CCDC33: variants seen among roughly 807,000 people sequenced by gnomAD.
CCDC33 encodes the protein coiled-coil domain containing 33, also known as coiled-coil domain-containing protein 33.
A neutral mutation model predicts 91.9 loss-of-function variants in CCDC33; 94 were observed. The ratio of observed to expected loss-of-function variants is 1.02; its 90% confidence interval spans 0.87 to 1.21. CCDC33 has a LOEUF of 1.21. CCDC33 is among the 50% of genes most tolerant of loss of function. The pLI is 0.00. For synonymous variants in CCDC33, 396 were observed against 374.5 expected, an observed-to-expected ratio of 1.06 and a Z score of -0.66; for missense variants, 940 against 935.5, an observed-to-expected ratio of 1.00 and a Z score of -0.06.
chr15:74,268,190 G>T, intron 4 of CCDC33, 152 bp from the exon 5 acceptor site: 2 of 629,746 alleles, frequency 3.2e-6, no homozygotes, highest in Middle Eastern at 2.6e-4. Context: ...CTCCTTGGAA[G>T]GGCTCACAGG....
chr15:74,252,920 G>C (rs1295351366), intron 2 of CCDC33, among the ~76,000 whole-genome samples: 1 of 152,134 alleles, frequency 6.6e-6, no homozygotes, highest in East Asian at 1.9e-4. Flanking sequence ...AACACAGCTG[G>C]TGTCAGTGGT....
At chr15:74,203,153 C>T (rs2074162885) in intron 1 of CCDC33, 1 of 985,544 alleles carries the variant, frequency 1.0e-6, no homozygotes, top group Non-Finnish European at 1.2e-6. Context: ...GGGAATCTGT[C>T]CGTTTCTTCT....
chr15:74,325,865 A>C (rs2060299977), intron 11 of CCDC33, among the ~76,000 whole-genome samples: 1 of 152,002 alleles, frequency 6.6e-6, no homozygotes, highest in Non-Finnish European at 1.5e-5. Flanking sequence ...TACCCCCAAC[A>C]CACCCTCCCT....
chr15:74,322,603 G>A lies in CCDC33; in HGVS notation c.1291-7586G>A, dbSNP rs372339038. On this transcript the variant is annotated intron_variant, in intron 11 of 18. Transcript: ENST00000398814. Reference sequence around the variant, plus strand: ...TGGGGGTTCCAGGGCTAGAGGTCTTGGAAGGCTGGCTGGACCACCTGGAGG... The same window carrying A: ...TGGGGGTTCCAGGGCTAGAGGTCTTAGAAGGCTGGCTGGACCACCTGGAGG... 6.6e-5 allele frequency among the ~76,000 whole-genome samples: 10 copies of A among 152,320 alleles called. No homozygotes were observed. The East Asian group carries it at 1.5e-3, about 23-fold the overall frequency.
chr15:74,223,314 T>G (rs2074668424), intron 2 of CCDC33, among the ~76,000 whole-genome samples: 1 of 152,048 alleles, frequency 6.6e-6, no homozygotes, highest in Non-Finnish European at 1.5e-5. Context: ...AACAAAGTGG[T>G]GGGAGGTGGG....
chr15:74,280,690 C>A lies in CCDC33; in HGVS notation c.912C>A (p.Thr304=), dbSNP rs1436896605. The part of the protein sequence containing the change: ...STSMKGSQPW[T]LNQPLGISVL... ...CAGTGAAAGGCAGCCAGCCGTGGAC[C>A]CTCAACCAGCCCCTGGGCATCTCTG... The change falls in exon 9 of 19, where the codon ACC becomes ACA. Residue 304 remains threonine, a synonymous_variant. Transcript: ENST00000398814. 2.0e-6 allele frequency: 3 copies of A among 1,523,914 alleles called. No individual in the cohort carries two copies. The highest frequency in any genetic ancestry group is 2.5e-5 in the East Asian group (1 of 39,618). 94.4% of individuals were successfully genotyped at this position (1,523,914 alleles called of 1,614,324 possible).
chr15:74,306,567 G>T (rs2059897752), intron 11 of CCDC33, among the ~76,000 whole-genome samples: 1 of 152,144 alleles, frequency 6.6e-6, no homozygotes, highest in Non-Finnish European at 1.5e-5. Context: ...TCCAGGCCTG[G>T]CCTGGGGTCT....
intron 2 of CCDC33, among the ~76,000 whole-genome samples, chr15:74,222,943 C>A: frequency 6.6e-6 from 1 of 151,984 alleles, no homozygotes; most frequent in Non-Finnish European, 1.5e-5. Flanking sequence ...CTTTTAAATT[C>A]ATTATGCCTT....
chr15:74,262,326 C>A, intron 2 of CCDC33, 114 bp from the exon 3 acceptor site: 1 of 1,357,502 alleles, frequency 7.4e-7, no homozygotes, highest in Non-Finnish European at 1.0e-6. Flanking sequence ...TGGGACAGAG[C>A]TCTCCATATT....
chr15:74,301,995 T>C (rs2059804805), intron 11 of CCDC33: 1 of 152,092 alleles, frequency 6.6e-6, no homozygotes, highest in Non-Finnish European at 1.5e-5. Context: ...AGATGAATAA[T>C]TGACAAGGGT....
At chr15:74,296,327 A>C (rs2059685743) in intron 11 of CCDC33, among the ~76,000 whole-genome samples, 1 of 152,156 alleles carries the variant, frequency 6.6e-6, no homozygotes, top group South Asian at 2.1e-4. Flanking sequence ...ACTGGGGCTC[A>C]AAAAAAGAGG....
chr15:74,223,765 C>CAT (rs1555460809), intron 2 of CCDC33, among the ~76,000 whole-genome samples: 2 of 87,154 alleles, frequency 2.3e-5, no homozygotes, highest in African/African-American at 9.0e-5. Flanking sequence ...CACACACACA[C>CAT]GCAAGCATGC....
intron 2 of CCDC33, among the ~76,000 whole-genome samples, chr15:74,249,228 TGTAATC>T (rs2075627688): frequency 6.6e-6 from 1 of 152,094 alleles, no homozygotes; most frequent in African/African-American, 2.4e-5. Flanking sequence ...GGCTCACACC[TGTAATC>T]CCAGCACTTT....
chr15:74,253,179 C>T lies in CCDC33; in HGVS notation c.185+9031C>T, dbSNP rs540708442. Among the ~76,000 whole-genome samples, 14 of 152,312 alleles carry T rather than the reference C, an allele frequency of 9.2e-5. No individual in the cohort carries two copies. In the South Asian group the frequency reaches 2.9e-3, roughly 32 times the overall value. ...GGCCAGAGGGGGCCTTCCTGGTGTC[C>T]TCATTGCATCCTGCATGGGCTGTCT... On this transcript the variant is annotated intron_variant, in intron 2 of 18. Transcript: ENST00000398814.
chr15:74,286,436 T>A (rs115434529), intron 10 of CCDC33, among the ~76,000 whole-genome samples: 1 of 152,090 alleles, frequency 6.6e-6, no homozygotes, highest in African/African-American at 2.4e-5. Flanking sequence ...AATGAACTGG[T>A]TTCGAGATCC....
exon 2 of CCDC33, chr15:74,209,473 G>C (rs2074335537): frequency 6.5e-7 from 1 of 1,533,986 alleles, no homozygotes; most frequent in East Asian, 2.4e-5. Flanking sequence ...TGCCCAGCTG[G>C]GCTGAGGGCC....
At chr15:74,264,685 G>T (rs1490963090) in intron 3 of CCDC33, among the ~76,000 whole-genome samples, 6 of 152,292 alleles carry the variant, frequency 3.9e-5, no homozygotes, top group African/African-American at 9.6e-5. Flanking sequence ...CTACATCAGG[G>T]TTTGTGTTTG....
intron 1 of CCDC33, among the ~76,000 whole-genome samples, chr15:74,204,269 C>T (rs2074204095): frequency 6.6e-6 from 1 of 152,236 alleles, no homozygotes. Flanking sequence ...GGGACTCTAT[C>T]CCTCCCACCC....
intron 2 of CCDC33, among the ~76,000 whole-genome samples, chr15:74,259,961 A>T (rs568838006): frequency 3.3e-5 from 5 of 152,316 alleles, no homozygotes; most frequent in Admixed American, 6.5e-5. Flanking sequence ...CTTCTTCCTG[A>T]CACACCCTTG....
Sources: allele counts gnomAD v4.1 joint callset (sites outside exome capture counted in the v4.1 genomes callset), GRCh38; gene constraint gnomAD v4.1.1; transcripts MANE v1.5; gene names NCBI Gene and HGNC (gene_info 2026-07-23, HGNC 2026-07-21).